ATG101: variants seen among roughly 807,000 people sequenced by gnomAD.
ATG101 encodes the protein autophagy-related protein 101.
Under a neutral mutation model 16.7 loss-of-function variants are expected in ATG101, and 6 were observed. The ratio of observed to expected loss-of-function variants is 0.36; its 90% CI spans 0.20 to 0.71. ATG101 has a LOEUF of 0.71. Ranked by LOEUF, ATG101 falls within the 30% of genes least tolerant of loss-of-function variation. The probability of loss-of-function intolerance (pLI) is 0.57; values close to 1 mark genes in which losing one functional copy is unlikely to be tolerated. For synonymous variants in ATG101, 108 were observed against 118.1 expected (o/e 0.91, Z 0.56); for missense variants, 200 against 292.5 (o/e 0.68, Z 2.31).
At chr12:52,076,125 T>G (rs1939726213) in intron 3 of ATG101, among the ~76,000 whole-genome samples, 1 of 152,164 alleles carries the variant, frequency 6.6e-6, no homozygotes, top group Admixed American at 6.5e-5. Context: ...TCCACTGCCC[T>G]CCAGCCTGGG....
At chr12:52,068,210 CT>C (rs527347370), upstream of ATG101, among the ~76,000 whole-genome samples, 4,637 of 134,540 alleles carry the variant, frequency 0.034, 120 homozygotes, top group African/African-American at 0.086. Flanking sequence ...CCACACCTGG[CT>C]TTTTTTTTTT....
In ATG101 at chr12:52,076,815, G is replaced by A. The variant is rs1453978723; in HGVS notation, c.282G>A (p.Gly94=). Residue 94 remains glycine, a synonymous_variant, in exon 4 of 4, where the codon GGG becomes GGA. Transcript: ENST00000336854. ...KDALRNSGGD[G]LGQMSLEFYQ... ...CACTGCGCAACTCTGGTGGCGATGG[G>A]CTGGGGCAGATGTCCTTGGAGTTCT... 1.2e-6 allele frequency: 2 copies of A among 1,614,082 alleles called. No individual in the cohort carries two copies. The highest frequency in any genetic ancestry group is 1.7e-6 in the Non-Finnish European group (2 of 1,180,042).
At chr12:52,068,207 T>A (rs573419066), upstream of ATG101, among the ~76,000 whole-genome samples, 3 of 149,132 alleles carry the variant, frequency 2.0e-5, no homozygotes, top group Admixed American at 1.3e-4. Flanking sequence ...ACACCACACC[T>A]GGCTTTTTTT....
upstream of ATG101, among the ~76,000 whole-genome samples, chr12:52,065,448 T>G (rs1247360261): frequency 6.6e-6 from 1 of 152,176 alleles, no homozygotes; most frequent in South Asian, 2.1e-4. Context: ...TACGTCTTGA[T>G]CATCAGAGGT....
intron 2 of ATG101, among the ~76,000 whole-genome samples, chr12:52,071,987 C>T (rs1288248139): frequency 6.6e-6 from 1 of 152,178 alleles, no homozygotes; most frequent in East Asian, 1.9e-4. Context: ...TGTTCTAGTT[C>T]TCAAGTCTCT....
chr12:52,072,698 A>G (rs777167769), intron 2 of ATG101, among the ~76,000 whole-genome samples: 12 of 151,668 alleles, frequency 7.9e-5, no homozygotes, highest in African/African-American at 2.4e-4. Context: ...TGTGACCCCA[A>G]TACGGTTTAG....
In ATG101 at chr12:52,076,984, A is replaced by T; in HGVS notation, c.451A>T (p.Lys151Ter). The T allele has an allele frequency of 1.2e-6, 2 of 1,614,214 alleles. No homozygotes were observed. Among genetic ancestry groups the T allele is most frequent in the Non-Finnish European group, 1.7e-6 (2 of 1,180,040 alleles). The change falls in exon 4 of 4, where the codon AAG becomes TAG. Residue 151 changes from lysine to a stop codon, truncating the protein, a stop_gained. Coordinates refer to ENST00000336854, the MANE Select transcript of ATG101 (RefSeq NM_021934.5). LOFTEE classifies it high-confidence loss of function. Reference protein sequence around the residue: ...REKVGEKLCEKIINIVEVMNR... With the variant: ...REKVGEKLCE ...GAAGGTGGGTGAGAAACTCTGCGAG[A>T]AGATCATCAACATCGTGGAGGTGAT...
chr12:52,068,758 G>A (rs1246589982), upstream of ATG101, among the ~76,000 whole-genome samples: 1 of 151,828 alleles, frequency 6.6e-6, no homozygotes, highest in Non-Finnish European at 1.5e-5. Flanking sequence ...AGGCCGAGGC[G>A]GGCAGATCAC....
upstream of ATG101, among the ~76,000 whole-genome samples, chr12:52,068,728 T>C (rs1008843561): frequency 4.5e-4 from 68 of 152,024 alleles, no homozygotes; most frequent in East Asian, 5.8e-4. Context: ...GGCTCACGCC[T>C]GTAATCCCAG....
rs368896921 is a variant in ATG101 at position 52,076,980 on chromosome 12, C to G, written c.447C>G (p.Cys149Trp). ...GGGAGAAGGTGGGTGAGAAACTCTG[C>G]GAGAAGATCATCAACATCGTGGAGG... Reference protein sequence around the residue: ...ICREKVGEKLCEKIINIVEVM... With the variant: ...ICREKVGEKLWEKIINIVEVM... Residue 149 changes from cysteine (C) to tryptophan (W), a missense_variant, in exon 4 of 4, where the codon TGC becomes TGG. Transcript: ENST00000336854. 4.3e-6 allele frequency: 7 copies of G among 1,614,146 alleles called. No individual in the cohort carries two copies. The highest frequency in any genetic ancestry group is 1.7e-6 in the Non-Finnish European group (2 of 1,180,016).
chr12:52,069,749 A>G (rs1269341603), upstream of ATG101: 4 of 152,210 alleles, frequency 2.6e-5, no homozygotes. Context: ...GGACTCGTCC[A>G]CATGAGGGGG....
chr12:52,066,041 C>T (rs752498608), upstream of ATG101, among the ~76,000 whole-genome samples: 4 of 152,148 alleles, frequency 2.6e-5, no homozygotes, highest in Non-Finnish European at 5.9e-5. Flanking sequence ...CCACACCTGG[C>T]TAGTTTTGTA....
At position 52,073,741 on chromosome 12, in the gene ATG101, C is replaced by T. The variant is rs1226314512; in HGVS notation, c.91C>T (p.His31Tyr). 5 of 1,614,092 alleles carry T rather than the reference C, an allele frequency of 3.1e-6. No individual in the cohort carries two copies. Among genetic ancestry groups the T allele is most frequent in the South Asian group, 1.1e-5 (1 of 91,086 alleles). The change falls in exon 3 of 4, where the codon CAC (histidine) becomes TAC (tyrosine). Residue 31 changes from histidine (H) to tyrosine (Y), a missense_variant. His to Tyr is a moderately conservative substitution (Grantham distance 83). Transcript: ENST00000336854. Reference sequence around the variant, plus strand: ...GGCTGTGCTGCACACGGTGCTTCTGCACCGCAGCACAGGCAAGTTCCACTA... The same window carrying T: ...GGCTGTGCTGCACACGGTGCTTCTGTACCGCAGCACAGGCAAGTTCCACTA... The part of the protein sequence containing the change: ...MLAVLHTVLL[H>Y]RSTGKFHYKK...
rs773340909 is a variant in ATG101 at position 52,073,628 on chromosome 12, T to C, written c.-23T>C. The C allele has an allele frequency of 1.2e-6, 2 of 1,604,440 alleles. No homozygotes were observed. Among genetic ancestry groups the C allele is most frequent in the East Asian group, 4.5e-5 (2 of 44,596 alleles). ...CTGTCTTTATCCTAGTTCCACACCTTGGTGTGGGTTACTGGGTGCAGGATG... is the reference window on the plus strand; with the variant it reads ...CTGTCTTTATCCTAGTTCCACACCTCGGTGTGGGTTACTGGGTGCAGGATG... On this transcript the variant is annotated 5_prime_UTR_variant, in exon 3 of 4. Transcript: ENST00000336854.
intron 3 of ATG101, 31 bp from the exon 4 acceptor site, chr12:52,076,755 T>G: frequency 6.2e-7 from 1 of 1,601,848 alleles, no homozygotes; most frequent in Non-Finnish European, 8.5e-7. Context: ...CTCAGAGGCC[T>G]TGGCTTGCTC....
chr12:52,073,679 T>C lies in ATG101; in HGVS notation c.29T>C (p.Val10Ala). Residue 10 changes from valine (V) to alanine (A), a missense_variant, in exon 3 of 4, where the codon GTG becomes GCG. Coordinates refer to ENST00000336854, the MANE Select transcript of ATG101 (RefSeq NM_021934.5). ...AACTGTCGCTCGGAGGTGCTGGAGG[T>C]GTCGGTGGAGGGGCGGCAGGTGGAG... MNCRSEVLE[V>A]SVEGRQVEEA... 1 of 1,613,716 alleles carries C rather than the reference T, an allele frequency of 6.2e-7. No homozygotes were observed. Among genetic ancestry groups the C allele is most frequent in the Non-Finnish European group, 8.5e-7 (1 of 1,179,844 alleles).
At chr12:52,071,914 G>C (rs1241016568) in intron 2 of ATG101, among the ~76,000 whole-genome samples, 1 of 152,188 alleles carries the variant, frequency 6.6e-6, no homozygotes, top group Admixed American at 6.5e-5. Flanking sequence ...TTTGCAAGCT[G>C]AATACTCTGA....
At position 52,073,568 on chromosome 12, in the gene ATG101, T is replaced by C. The variant is rs1188745660; in HGVS notation, c.-76-7T>C. ...TGTCAGCATTCTGACCTGGGCTCCTTTTGCAGGGTGGCCCTTGGGTAGGGT... is the reference window on the plus strand; with the variant it reads ...TGTCAGCATTCTGACCTGGGCTCCTCTTGCAGGGTGGCCCTTGGGTAGGGT... On this transcript the variant is annotated splice_region_variant and splice_polypyrimidine_tract_variant and intron_variant, in intron 2 of 3. Transcript: ENST00000336854. The C allele has an allele frequency of 6.5e-7, 1 of 1,530,102 alleles. No homozygotes were observed. The highest frequency in any genetic ancestry group is 8.8e-7 in the Non-Finnish European group (1 of 1,130,790). The allele number at this position is 1,530,102 out of a possible 1,614,324, so 94.8% of individuals were successfully genotyped here.
chr12:52,065,862 G>A (rs1939543553), upstream of ATG101, among the ~76,000 whole-genome samples: 1 of 152,164 alleles, frequency 6.6e-6, no homozygotes, highest in African/African-American at 2.4e-5. Context: ...ATATGTGGCG[G>A]CAGAAAGAGA....
Sources: allele counts gnomAD v4.1 joint callset (sites outside exome capture counted in the v4.1 genomes callset), GRCh38; gene constraint gnomAD v4.1.1; transcripts MANE v1.5; gene names NCBI Gene and HGNC (gene_info 2026-07-23, HGNC 2026-07-21).